PTPRD: variants seen among roughly 807,000 people sequenced by gnomAD.
The protein encoded by PTPRD is receptor-type tyrosine-protein phosphatase delta.
PTPRD carries 34 observed loss-of-function variants against 214.5 expected under a neutral mutation model. The observed-to-expected ratio is 0.16, with a 90% CI of 0.12 to 0.21. PTPRD has a LOEUF of 0.21. Among genes scored for constraint, PTPRD ranks in the 10% least tolerant of loss-of-function variants. PTPRD has a pLI of 1.00. For synonymous variants in PTPRD, 1,128 were observed against 845.7 expected (o/e 1.33, Z -5.79); for missense variants, 2,545 against 2,398.7 (o/e 1.06, Z -1.27).
intron 34 of PTPRD, among the ~76,000 whole-genome samples, chr9:8,444,786 G>C (rs906872594): frequency 2.0e-5 from 3 of 152,112 alleles, no homozygotes; most frequent in Non-Finnish European, 2.9e-5. Context: ...GGGACGGAGA[G>C]ACTAAAGTAA....
chr9:9,015,646 T>C (rs1340127473), intron 11 of PTPRD, among the ~76,000 whole-genome samples: 1 of 152,180 alleles, frequency 6.6e-6, no homozygotes, highest in African/African-American at 2.4e-5. Context: ...AATTCTTTCT[T>C]GCATGAGATG....
At chr9:9,011,416 A>G (rs2099511315) in intron 11 of PTPRD, among the ~76,000 whole-genome samples, 1 of 152,176 alleles carries the variant, frequency 6.6e-6, no homozygotes, top group East Asian at 1.9e-4. Flanking sequence ...GCAGCATATA[A>G]TTACATAGGA....
chr9:9,171,290 T>C (rs912674586), intron 10 of PTPRD, among the ~76,000 whole-genome samples: 1 of 151,726 alleles, frequency 6.6e-6, no homozygotes, highest in African/African-American at 2.4e-5. Flanking sequence ...CCCTGTAAAA[T>C]GTGAAGGGAA....
chr9:8,942,326 G>A (rs181307231), intron 11 of PTPRD, among the ~76,000 whole-genome samples: 1 of 152,244 alleles, frequency 6.6e-6, no homozygotes, highest in Admixed American at 6.5e-5. Context: ...TAAAAAACAT[G>A]CAAGTTATCA....
intron 35 of PTPRD, among the ~76,000 whole-genome samples, chr9:8,406,773 A>G (rs1430751236): frequency 6.6e-6 from 1 of 152,172 alleles, no homozygotes. Flanking sequence ...CATACTTAAC[A>G]CCCATTATCA....
intron 3 of PTPRD, among the ~76,000 whole-genome samples, chr9:10,078,338 C>T (rs2098169646): frequency 7.4e-6 from 1 of 134,402 alleles, no homozygotes; most frequent in African/African-American, 2.7e-5. Flanking sequence ...TGGTGAAACC[C>T]CATCTCTTCC....
At chr9:9,548,596 A>C (rs1256930684) in intron 8 of PTPRD, among the ~76,000 whole-genome samples, 2 of 151,696 alleles carry the variant, frequency 1.3e-5, no homozygotes, top group South Asian at 2.1e-4. Flanking sequence ...ATGGGGTTTC[A>C]CCATGCTGGC....
At chr9:8,487,796 G>A (rs1444712628) in intron 27 of PTPRD, among the ~76,000 whole-genome samples, 1 of 150,432 alleles carries the variant, frequency 6.6e-6, no homozygotes, top group Non-Finnish European at 1.5e-5. Context: ...GGCAACAAGA[G>A]CAAATTCCGT....
chr9:8,781,406 T>C (rs377326228), intron 11 of PTPRD, among the ~76,000 whole-genome samples: 15 of 151,922 alleles, frequency 9.9e-5, no homozygotes, highest in Admixed American at 9.8e-4. Flanking sequence ...GAGATAAAGG[T>C]AGTAAGGGAA....
At chr9:8,396,489 A>T (rs2091206416) in intron 36 of PTPRD, among the ~76,000 whole-genome samples, 1 of 151,718 alleles carries the variant, frequency 6.6e-6, no homozygotes, top group Admixed American at 6.6e-5. Context: ...TAGATTCATT[A>T]GAGTAAGCTG....
intron 6 of PTPRD, among the ~76,000 whole-genome samples, chr9:9,762,435 T>C (rs117564092): frequency 6.6e-6 from 1 of 152,194 alleles, no homozygotes; most frequent in African/African-American, 2.4e-5. Context: ...ATCTTTAGGT[T>C]TGGTTCCTTT....
chr9:9,924,816 G>C (rs1260143112), intron 5 of PTPRD, among the ~76,000 whole-genome samples: 1 of 152,044 alleles, frequency 6.6e-6, no homozygotes, highest in Non-Finnish European at 1.5e-5. Flanking sequence ...TACAAGGATA[G>C]GCATACCACA....
chr9:8,581,557 G>C (rs1228364122), intron 14 of PTPRD, among the ~76,000 whole-genome samples: 1 of 150,414 alleles, frequency 6.6e-6, no homozygotes, highest in Non-Finnish European at 1.5e-5. Context: ...GACCATTCTG[G>C]CTAACACAGT....
chr9:9,160,526 A>G (rs1404538807), intron 10 of PTPRD, among the ~76,000 whole-genome samples: 1 of 152,176 alleles, frequency 6.6e-6, no homozygotes, highest in African/African-American at 2.4e-5. Context: ...AAAAAGATGA[A>G]AGATAAGTGT....
chr9:8,626,259 G>T (rs1290831904), intron 14 of PTPRD, among the ~76,000 whole-genome samples: 1 of 151,830 alleles, frequency 6.6e-6, no homozygotes, highest in Non-Finnish European at 1.5e-5. Context: ...ATGACTGTTT[G>T]ATAGATTACT....
chr9:9,895,127 C>T (rs1339879552), intron 5 of PTPRD, among the ~76,000 whole-genome samples: 1 of 151,996 alleles, frequency 6.6e-6, no homozygotes, highest in Non-Finnish European at 1.5e-5. Context: ...GGTTGTAAGA[C>T]TATAAAAATG....
intron 8 of PTPRD, among the ~76,000 whole-genome samples, chr9:9,419,128 T>TACACACACACACAC (rs142908778): frequency 1.6e-4 from 23 of 139,986 alleles, no homozygotes; most frequent in African/African-American, 4.0e-4. Context: ...AGGCCCCTTA[T>TACACACACACACAC]ACACACACAC....
intron 6 of PTPRD, among the ~76,000 whole-genome samples, chr9:9,766,555 T>A (rs1042729721): frequency 6.6e-6 from 1 of 152,164 alleles, no homozygotes; most frequent in Non-Finnish European, 1.5e-5. Context: ...TTATTTAACT[T>A]GCAAGAGCAT....
intron 10 of PTPRD, among the ~76,000 whole-genome samples, chr9:9,060,014 T>G (rs2099704151): frequency 6.6e-6 from 1 of 152,192 alleles, no homozygotes; most frequent in Admixed American, 6.5e-5. Context: ...CAATAAAATG[T>G]AAATTTTTGT....
Sources: gnomAD v4.1 joint callset for allele counts (sites outside exome capture counted in the v4.1 genomes callset) on GRCh38, gnomAD v4.1.1 for gene constraint, MANE v1.5 for transcripts, NCBI Gene and HGNC (gene_info 2026-07-23, HGNC 2026-07-21) for gene names.